Variants in FBXL3 observed in about 807,000 individuals in gnomAD.
The protein encoded by FBXL3 is F-box and leucine rich repeat protein 3.
FBXL3 carries 14 observed loss-of-function variants against 37.9 expected under a neutral mutation model. The observed-to-expected ratio is 0.37, with a 90% CI of 0.24 to 0.58. FBXL3 has a LOEUF of 0.58. FBXL3 is among the 20% of genes least tolerant of loss of function. The probability of loss-of-function intolerance (pLI) is 0.74; values close to 1 mark genes in which losing one functional copy is unlikely to be tolerated. For synonymous variants in FBXL3, 194 were observed against 180.1 expected, an observed-to-expected ratio of 1.08 and a Z score of -0.62; for missense variants, 327 against 511.1, an observed-to-expected ratio of 0.64 and a Z score of 3.47.
rs779448827 is a variant in FBXL3 at position 77,015,412 on chromosome 13, C to T, written c.640G>A (p.Ala214Thr). ...KMSSCPHVSP[A>T]GILCVADQCH... ...TCTAGCAAAAAACACAACATACCTG[C>T]TGGAGAGACATGAGGACAGCTGCTC... Residue 214 changes from alanine (A) to threonine (T), a missense_variant, in exon 4 of 5, where the codon GCA becomes ACA. Coordinates refer to ENST00000355619, the MANE Select transcript of FBXL3 (RefSeq NM_012158.4). 2 of 1,546,536 alleles carry T rather than the reference C, an allele frequency of 1.3e-6. No homozygotes were observed. The highest frequency in any genetic ancestry group is 1.7e-6 in the Non-Finnish European group (2 of 1,148,692).
At chr13:77,022,963 T>C (rs1257393187) in intron 1 of FBXL3, among the ~76,000 whole-genome samples, 1 of 152,076 alleles carries the variant, frequency 6.6e-6, no homozygotes, top group African/African-American at 2.4e-5. Flanking sequence ...TAAAACAGGG[T>C]TTCTGTGAGA....
chr13:77,020,443 T>G (rs2034721092), intron 2 of FBXL3, among the ~76,000 whole-genome samples: 1 of 152,120 alleles, frequency 6.6e-6, no homozygotes, highest in African/African-American at 2.4e-5. Context: ...CATGGGAGAA[T>G]AAGCAGGTAA....
At position 77,007,273 on chromosome 13, in the gene FBXL3, G is replaced by C; in HGVS notation, c.1159C>G (p.Leu387Val). 1 of 1,613,880 alleles carries C rather than the reference G, an allele frequency of 6.2e-7. No homozygotes were observed. The highest frequency in any genetic ancestry group is 8.5e-7 in the Non-Finnish European group (1 of 1,179,962). Residue 387 changes from leucine to valine, a missense_variant, in exon 5 of 5, where the codon CTA (leucine) becomes GTA (valine). Leu to Val is a conservative substitution (Grantham distance 32, BLOSUM62 1). Transcript: ENST00000355619. ...VEFVKMCGGR[L>V]SQLSIMEEVL... The stretch of plus-strand genomic sequence containing the variant: ...TCTTCCATAATGGATAATTGAGATA[G>C]GCGGCCACCACACATCTTCACAAAC...
Position 77,005,837 on chromosome 13 carries a change from A to C in FBXL3, c.*1308T>G, listed in dbSNP as rs1434395023. The C allele has an allele frequency of 1.3e-5, 2 of 152,182 alleles. No homozygotes were observed. The highest frequency in any genetic ancestry group is 4.8e-5 in the African/African-American group (2 of 41,444). 9.4% of individuals were successfully genotyped at this position (152,182 alleles called of 1,614,324 possible). ...TCTGATTTCCCTCAGGAGGGTAGTAATATCTACTAGCACTAGTGCCCAGCA... is the reference window on the plus strand; with the variant it reads ...TCTGATTTCCCTCAGGAGGGTAGTACTATCTACTAGCACTAGTGCCCAGCA... On this transcript the variant is annotated 3_prime_UTR_variant, in exon 5 of 5. Coordinates refer to ENST00000355619, the MANE Select transcript of FBXL3 (RefSeq NM_012158.4).
At chr13:77,013,883 G>A (rs2034598133) in intron 4 of FBXL3, 1 of 152,094 alleles carries the variant, frequency 6.6e-6, no homozygotes, top group South Asian at 2.1e-4. Flanking sequence ...TATACTATCA[G>A]AACTGTTGTG....
chr13:77,007,260 G>C lies in FBXL3; in HGVS notation c.1172C>G (p.Ser391Cys). The C allele has an allele frequency of 6.2e-7, 1 of 1,613,900 alleles. No individual in the cohort carries two copies. Among genetic ancestry groups the C allele is most frequent in the Non-Finnish European group, 8.5e-7 (1 of 1,179,994 alleles). The change falls in exon 5 of 5, where the codon TCC (serine) becomes TGC (cysteine). Residue 391 changes from serine to cysteine, a missense_variant. Physicochemically the swap from Ser to Cys is moderately radical, Grantham distance 112. Coordinates refer to ENST00000355619, the MANE Select transcript of FBXL3 (RefSeq NM_012158.4). ...AGGAATTAGTACTTCTTCCATAATG[G>C]ATAATTGAGATAGGCGGCCACCACA... ...KMCGGRLSQL[S>C]IMEEVLIPDQ...
chr13:77,011,302 C>G (rs1178653315), intron 4 of FBXL3, among the ~76,000 whole-genome samples: 1 of 146,604 alleles, frequency 6.8e-6, no homozygotes, highest in Non-Finnish European at 1.5e-5. Context: ...ATCAATGCCA[C>G]TGCACTCTCC....
At chr13:77,026,482 G>A in intron 1 of FBXL3, 1 of 592,520 alleles carries the variant, frequency 1.7e-6, no homozygotes, top group Non-Finnish European at 2.1e-6. Context: ...GAGCTCCATG[G>A]TGCCTGTCAC....
At chr13:77,012,941 AT>A (rs2034580699) in intron 4 of FBXL3, 1 of 152,092 alleles carries the variant, frequency 6.6e-6, no homozygotes, top group African/African-American at 2.4e-5. Flanking sequence ...TGCCCAGCTA[AT>A]TTTTGTATTT....
At chr13:77,015,641 G>C in intron 3 of FBXL3, 61 bp from the exon 4 acceptor site, 1 of 1,158,278 alleles carries the variant, frequency 8.6e-7, no homozygotes, top group Non-Finnish European at 1.2e-6. Flanking sequence ...GAATCAAGGG[G>C]TTTCCTAGTA....
chr13:77,021,089 G>T (rs1172600279), intron 2 of FBXL3, among the ~76,000 whole-genome samples: 1 of 152,006 alleles, frequency 6.6e-6, no homozygotes, highest in East Asian at 1.9e-4. Flanking sequence ...AAGTTTCTAT[G>T]CTTCCTTTTC....
intron 1 of FBXL3, among the ~76,000 whole-genome samples, chr13:77,024,012 G>T (rs1475435861): frequency 6.6e-6 from 1 of 152,100 alleles, no homozygotes; most frequent in Non-Finnish European, 1.5e-5. Flanking sequence ...AATATATTAC[G>T]TATACCCTAC....
intron 2 of FBXL3, among the ~76,000 whole-genome samples, chr13:77,020,252 A>C (rs2034717851): frequency 6.6e-6 from 1 of 152,252 alleles, no homozygotes; most frequent in African/African-American, 2.4e-5. Flanking sequence ...AAGGGATGTA[A>C]CTATACTAAA....
chr13:77,023,908 A>G (rs969091206), intron 1 of FBXL3, among the ~76,000 whole-genome samples: 1 of 152,248 alleles, frequency 6.6e-6, no homozygotes, highest in African/African-American at 2.4e-5. Context: ...GAGGCCTCTG[A>G]CCTTAATGCC....
intron 4 of FBXL3, 168 bp downstream of exon 4, chr13:77,015,241 G>A (rs1240451142): frequency 2.4e-6 from 1 of 419,860 alleles, no homozygotes; most frequent in African/African-American, 2.1e-5. Flanking sequence ...CAGTGTCTAG[G>A]CTAGTAACCC....
At chr13:77,015,111 T>C in intron 4 of FBXL3, 1 of 186,808 alleles carries the variant, frequency 5.4e-6, no homozygotes, top group Non-Finnish European at 1.1e-5. Context: ...AACTCTACTG[T>C]AATTAATGGA....
intron 1 of FBXL3, among the ~76,000 whole-genome samples, chr13:77,024,829 C>G (rs1566233725): frequency 1.3e-5 from 2 of 152,024 alleles, no homozygotes; most frequent in African/African-American, 4.8e-5. Context: ...CGTAATATGT[C>G]TATGTTACAA....
rs182264850 is a variant in FBXL3, at chr13:77,015,788, T to G, written c.472-208A>C. ...TCTTTGAGAAGAGTCTATTTATGTGTGGGGGAAAAAAGCATTTCAAGCCTC... is the reference window on the plus strand; with the variant it reads ...TCTTTGAGAAGAGTCTATTTATGTGGGGGGGAAAAAAGCATTTCAAGCCTC... On this transcript the variant is annotated intron_variant, in intron 3 of 4. Transcript: ENST00000355619. 3.0e-4 allele frequency: 97 copies of G among 320,166 alleles called. 2 individuals carry two copies. Among genetic ancestry groups the G allele is most frequent in the African/African-American group, 1.9e-3 (91 of 46,736 alleles). The allele number at this position is 320,166 out of a possible 1,614,324, so 19.8% of individuals were successfully genotyped here.
intron 4 of FBXL3, chr13:77,010,946 T>C (rs1373260541): frequency 6.6e-6 from 1 of 152,208 alleles, no homozygotes; most frequent in East Asian, 1.9e-4. Flanking sequence ...AGTAAGAACA[T>C]AGTTCCAAGT....
Sources: gnomAD v4.1 joint callset for allele counts (sites outside exome capture counted in the v4.1 genomes callset) on GRCh38, gnomAD v4.1.1 for gene constraint, MANE v1.5 for transcripts, NCBI Gene and HGNC (gene_info 2026-07-23, HGNC 2026-07-21) for gene names.